The following ERBB4 variants were observed in gnomAD, a reference collection of about 807,000 sequenced individuals.
ERBB4 encodes the protein erb-b2 receptor tyrosine kinase 4, also known as receptor tyrosine-protein kinase erbB-4.
A neutral mutation model predicts 158.0 loss-of-function variants in ERBB4; 42 were observed. The ratio of observed to expected loss-of-function variants is 0.27; its 90% CI spans 0.21 to 0.34. The LOEUF is 0.34. ERBB4 is among the 10% of genes least tolerant of loss of function. ERBB4 has a pLI of 1.00. For missense variants in ERBB4, 1,333 were observed against 1,624.1 expected (o/e 0.82, Z 3.08); for synonymous variants, 583 against 558.7 (o/e 1.04, Z -0.61).
intron 3 of ERBB4, among the ~76,000 whole-genome samples, chr2:211,870,627 A>G (rs1243060986): frequency 6.6e-6 from 1 of 152,160 alleles, no homozygotes; most frequent in Admixed American, 6.6e-5. Flanking sequence ...CCTTGGCATA[A>G]ATATAATGTT....
chr2:211,678,344 C>T (rs1462449789), intron 13 of ERBB4, among the ~76,000 whole-genome samples: 1 of 149,564 alleles, frequency 6.7e-6, no homozygotes, highest in East Asian at 2.0e-4. Flanking sequence ...AGAAAACTTG[C>T]ACTCCAGATG....
intron 5 of ERBB4, among the ~76,000 whole-genome samples, chr2:211,741,488 G>A (rs2074795767): frequency 9.0e-6 from 1 of 111,712 alleles, no homozygotes; most frequent in African/African-American, 3.4e-5. Context: ...CACACTAGAT[G>A]ACAGACAGAT....
At chr2:211,764,159 A>G (rs10932399) in intron 4 of ERBB4, among the ~76,000 whole-genome samples, 60,415 of 152,026 alleles carry the variant, frequency 0.4, 12,458 homozygotes, top group Middle Eastern at 0.55. Flanking sequence ...GATAATGGAC[A>G]TATAATATAT....
intron 1 of ERBB4, among the ~76,000 whole-genome samples, chr2:212,270,298 T>C (rs1039124803): frequency 6.6e-6 from 1 of 151,830 alleles, no homozygotes; most frequent in African/African-American, 2.4e-5. Context: ...GAAGGATTTA[T>C]GCAGTTTGGA....
chr2:212,306,789 T>G (rs944136644), intron 1 of ERBB4, among the ~76,000 whole-genome samples: 2 of 151,326 alleles, frequency 1.3e-5, no homozygotes, highest in Admixed American at 1.3e-4. Flanking sequence ...TTGGAAATGT[T>G]TATTATGAAG....
chr2:212,361,921 A>G (rs1300185176), intron 1 of ERBB4, among the ~76,000 whole-genome samples: 1 of 151,668 alleles, frequency 6.6e-6, no homozygotes, highest in African/African-American at 2.4e-5. Flanking sequence ...ATGACATTTT[A>G]ATAGACAATA....
intron 20 of ERBB4, among the ~76,000 whole-genome samples, chr2:211,499,848 GT>G (rs1247678014): frequency 5.3e-5 from 8 of 151,382 alleles, no homozygotes; most frequent in Non-Finnish European, 1.0e-4. Context: ...TTTGAGAAAA[GT>G]TTTTTTTTGG....
At chr2:211,515,913 T>TATATATATATATATATATATATATATA (rs71054105) in intron 20 of ERBB4, among the ~76,000 whole-genome samples, 2 of 57,372 alleles carry the variant, frequency 3.5e-5, no homozygotes, top group Admixed American at 1.8e-4. Context: ...TATATATATA[T>TATATATATATATATATATATATATATA]TTTTTTTTTT....
At chr2:212,447,981 A>T (rs926821820) in intron 1 of ERBB4, among the ~76,000 whole-genome samples, 1 of 152,172 alleles carries the variant, frequency 6.6e-6, no homozygotes, top group East Asian at 1.9e-4. Flanking sequence ...ACTTGTCATG[A>T]AGTAGAATTC....
intron 1 of ERBB4, among the ~76,000 whole-genome samples, chr2:212,293,841 C>A (rs2106187485): frequency 1.2e-5 from 1 of 83,490 alleles, no homozygotes; most frequent in South Asian, 4.6e-4. Context: ...GAGGAAGACT[C>A]TGTCTCAAAA....
At chr2:211,433,308 G>A (rs112504320) in intron 20 of ERBB4, among the ~76,000 whole-genome samples, 30 of 151,790 alleles carry the variant, frequency 2.0e-4, no homozygotes, top group Admixed American at 3.3e-4. Flanking sequence ...GAGGCCGGGC[G>A]CGGTGGCTCA....
intron 2 of ERBB4, among the ~76,000 whole-genome samples, chr2:212,082,283 T>C (rs2078469191): frequency 6.6e-6 from 1 of 152,088 alleles, no homozygotes; most frequent in Non-Finnish European, 1.5e-5. Flanking sequence ...CACATATGTA[T>C]AAACACTTCC....
intron 6 of ERBB4, among the ~76,000 whole-genome samples, chr2:211,724,125 G>A (rs182176163): frequency 6.6e-6 from 1 of 152,108 alleles, no homozygotes; most frequent in African/African-American, 2.4e-5. Context: ...ACAGAGGAAG[G>A]TTCTCAGTTC....
intron 1 of ERBB4, among the ~76,000 whole-genome samples, chr2:212,354,830 T>C (rs755983329): frequency 9.9e-5 from 15 of 152,078 alleles, no homozygotes; most frequent in Non-Finnish European, 1.9e-4. Context: ...AAGTTGGGTT[T>C]GGAAATACTT....
chr2:211,618,153 A>G (rs995724521), intron 19 of ERBB4, among the ~76,000 whole-genome samples: 2 of 152,010 alleles, frequency 1.3e-5, no homozygotes, highest in Non-Finnish European at 2.9e-5. Context: ...TCAAGGGGTA[A>G]TTACTTGACT....
At chr2:211,727,841 C>T (rs2074314128) in intron 5 of ERBB4, among the ~76,000 whole-genome samples, 1 of 151,922 alleles carries the variant, frequency 6.6e-6, no homozygotes, top group African/African-American at 2.4e-5. Context: ...CTTGGACTCA[C>T]CCTCTGTCAT....
intron 19 of ERBB4, among the ~76,000 whole-genome samples, chr2:211,582,325 G>A (rs2068129421): frequency 6.6e-6 from 1 of 152,078 alleles, no homozygotes; most frequent in East Asian, 1.9e-4. Flanking sequence ...CTACTTATCT[G>A]TTCTACTGTT....
At chr2:212,472,950 CCAAA>C (rs748130720) in intron 1 of ERBB4, among the ~76,000 whole-genome samples, 2 of 151,748 alleles carry the variant, frequency 1.3e-5, no homozygotes, top group Admixed American at 6.6e-5. Flanking sequence ...TTCCTATCCC[CCAAA>C]CAATTGTTGC....
chr2:211,922,620 A>G (rs1325565711), intron 3 of ERBB4, among the ~76,000 whole-genome samples: 1 of 152,158 alleles, frequency 6.6e-6, no homozygotes. Context: ...GAGTAAATTA[A>G]TACATTGTTA....
Sources: allele counts gnomAD v4.1 joint callset (sites outside exome capture counted in the v4.1 genomes callset), GRCh38; gene constraint gnomAD v4.1.1; transcripts MANE v1.5; gene names NCBI Gene and HGNC (gene_info 2026-07-23, HGNC 2026-07-21).